The following MIPEP variants were observed in gnomAD, a reference collection of about 807,000 sequenced individuals.
The protein encoded by MIPEP is mitochondrial intermediate peptidase.
A neutral mutation model predicts 90.3 loss-of-function variants in MIPEP; 79 were observed. The ratio of observed to expected loss-of-function variants is 0.87; its 90% CI spans 0.73 to 1.05. The LOEUF (loss-of-function observed/expected upper bound fraction) is 1.05, where lower values mean the gene tolerates loss of function less well. MIPEP is among the 50% of genes least tolerant of loss of function. MIPEP has a pLI of 0.00. For synonymous variants in MIPEP, 334 were observed against 315.8 expected, an observed-to-expected ratio of 1.06 and a Z score of -0.61; for missense variants, 940 against 905.6, an observed-to-expected ratio of 1.04 and a Z score of -0.49.
At chr13:23,869,892 T>G in intron 6 of MIPEP, 121 bp downstream of exon 6, 1 of 624,950 alleles carries the variant, frequency 1.6e-6, no homozygotes, top group South Asian at 4.5e-5. Context: ...GTTAAATTTT[T>G]AGGGCTTAGT....
At chr13:23,848,692 G>A (rs9553079) in intron 10 of MIPEP, among the ~76,000 whole-genome samples, 16,416 of 152,098 alleles carry the variant, frequency 0.11, 996 homozygotes, top group East Asian at 0.22. Flanking sequence ...CACTCAAAGG[G>A]GAAGAAAGAG....
At chr13:23,787,947 T>C (rs1952865706) in intron 16 of MIPEP, among the ~76,000 whole-genome samples, 1 of 152,224 alleles carries the variant, frequency 6.6e-6, no homozygotes, top group Non-Finnish European at 1.5e-5. Context: ...ATTACTATCA[T>C]TTCCATGAGC....
intron 16 of MIPEP, among the ~76,000 whole-genome samples, chr13:23,767,513 A>G (rs1952603307): frequency 6.6e-6 from 1 of 151,290 alleles, no homozygotes; most frequent in South Asian, 2.1e-4. Flanking sequence ...GTGCAGTGGC[A>G]CGATCTCGGC....
intron 16 of MIPEP, among the ~76,000 whole-genome samples, chr13:23,791,278 C>T (rs376119213): frequency 6.6e-6 from 1 of 152,240 alleles, no homozygotes; most frequent in African/African-American, 2.4e-5. Context: ...CACAACCATC[C>T]CCACAGCTCT....
chr13:23,875,377 T>G (rs1473838475), intron 4 of MIPEP, among the ~76,000 whole-genome samples: 2 of 152,152 alleles, frequency 1.3e-5, no homozygotes, highest in African/African-American at 4.8e-5. Context: ...GCCCTCTGCA[T>G]GAGATTTTTA....
intron 1 of MIPEP, among the ~76,000 whole-genome samples, chr13:23,887,007 A>C (rs551343644): frequency 6.6e-6 from 1 of 152,186 alleles, no homozygotes; most frequent in Non-Finnish European, 1.5e-5. Flanking sequence ...GATACAGGTA[A>C]TAAGTATATG....
chr13:23,858,861 T>C lies in MIPEP; in HGVS notation c.1105A>G (p.Arg369Gly), dbSNP rs1870161134. The change falls in exon 10 of 19, where the codon AGG becomes GGG. Residue 369 changes from arginine to glycine, a missense_variant and splice_region_variant. Physicochemically the swap from Arg to Gly is moderately radical, Grantham distance 125. Transcript: ENST00000382172. Reference protein sequence around the residue: ...PYYSGVIRAERYNIEPSLYCP... With the variant: ...PYYSGVIRAEGYNIEPSLYCP... ...ACGGGTATTTCTTGAAAAACTTACC[T>C]TTCTGCACGAATCACACCACTGTAG... is the stretch of plus-strand genomic sequence containing the variant. 1 of 1,613,302 alleles carries C rather than the reference T, an allele frequency of 6.2e-7. No individual in the cohort carries two copies. The highest frequency in any genetic ancestry group is 1.7e-5 in the Admixed American group (1 of 59,968).
chr13:23,883,615 T>C (rs1281807686), intron 2 of MIPEP, among the ~76,000 whole-genome samples: 15 of 152,238 alleles, frequency 9.9e-5, no homozygotes, highest in Non-Finnish European at 1.8e-4. Flanking sequence ...ATACACTGTA[T>C]TGTTTTATGG....
chr13:23,754,589 A>G (rs1471993854), intron 18 of MIPEP, among the ~76,000 whole-genome samples: 1 of 152,246 alleles, frequency 6.6e-6, no homozygotes, highest in Non-Finnish European at 1.5e-5. Flanking sequence ...TAGTTGCAAC[A>G]TTCTGGGAAG....
chr13:23,828,241 G>A (rs193279906), intron 14 of MIPEP, among the ~76,000 whole-genome samples: 43 of 152,316 alleles, frequency 2.8e-4, no homozygotes, highest in African/African-American at 9.9e-4. Context: ...TTACGGTGAC[G>A]TATTAAAAAC....
chr13:23,827,393 C>A (rs1868517533), intron 14 of MIPEP, among the ~76,000 whole-genome samples: 1 of 151,938 alleles, frequency 6.6e-6, no homozygotes, highest in South Asian at 2.1e-4. Flanking sequence ...AAAAGAAAGC[C>A]CAAAGAGGCT....
chr13:23,754,402 T>C (rs748607850), intron 18 of MIPEP, among the ~76,000 whole-genome samples: 43 of 152,156 alleles, frequency 2.8e-4, no homozygotes, highest in Non-Finnish European at 4.4e-4. Context: ...TTAAGAAAAA[T>C]ATTAAAATGT....
intron 16 of MIPEP, among the ~76,000 whole-genome samples, chr13:23,777,599 C>T (rs78500834): frequency 1.8e-3 from 278 of 152,170 alleles, no homozygotes; most frequent in Non-Finnish European, 3.1e-3. Context: ...TTGCAACTTA[C>T]GAACATAAAC....
chr13:23,805,195 TC>T (rs1354804253), intron 16 of MIPEP, among the ~76,000 whole-genome samples: 5 of 152,156 alleles, frequency 3.3e-5, no homozygotes, highest in African/African-American at 1.2e-4. Flanking sequence ...ATTAAGTCAG[TC>T]ACATTGCTAA....
chr13:23,793,148 T>G (rs931179462), intron 16 of MIPEP, among the ~76,000 whole-genome samples: 4 of 152,234 alleles, frequency 2.6e-5, no homozygotes, highest in Non-Finnish European at 5.9e-5. Context: ...ATAGGAACTT[T>G]ATTCATAAAA....
chr13:23,846,215 C>T (rs1869530196), intron 10 of MIPEP, among the ~76,000 whole-genome samples: 1 of 152,106 alleles, frequency 6.6e-6, no homozygotes, highest in African/African-American at 2.4e-5. Flanking sequence ...TTTTGCTAGG[C>T]ACCAGAGAGG....
chr13:23,764,209 C>T (rs1952573035), intron 16 of MIPEP, among the ~76,000 whole-genome samples: 1 of 152,192 alleles, frequency 6.6e-6, no homozygotes, highest in African/African-American at 2.4e-5. Context: ...AATCCTATTG[C>T]TGTCCCAAGG....
At chr13:23,804,895 T>C (rs1953089296) in intron 16 of MIPEP, among the ~76,000 whole-genome samples, 1 of 152,212 alleles carries the variant, frequency 6.6e-6, no homozygotes, top group South Asian at 2.1e-4. Context: ...CTCCTTCTGT[T>C]AGACCAACTA....
intron 18 of MIPEP, among the ~76,000 whole-genome samples, chr13:23,738,261 T>C (rs1593124961): frequency 2.6e-5 from 4 of 152,252 alleles, no homozygotes; most frequent in African/African-American, 7.2e-5. Context: ...TGACTCTGAA[T>C]GTGCCCCAAC....
Sources: gnomAD v4.1 joint callset for allele counts (sites outside exome capture counted in the v4.1 genomes callset) on GRCh38, gnomAD v4.1.1 for gene constraint, MANE v1.5 for transcripts, NCBI Gene and HGNC (gene_info 2026-07-23, HGNC 2026-07-21) for gene names.